The following CRACD variants were observed in gnomAD, a reference collection of about 807,000 sequenced individuals.
CRACD encodes capping protein inhibiting regulator of actin dynamics, also known as capping protein-inhibiting regulator of actin dynamics.
CRACD carries 56 observed loss-of-function variants against 106.8 expected under a neutral mutation model. The ratio of observed to expected loss-of-function variants is 0.52; its 90% CI spans 0.42 to 0.66. The LOEUF is 0.66. Among genes scored for constraint, CRACD ranks in the 30% least tolerant of loss-of-function variants. The pLI is 0.00. For synonymous variants in CRACD, 754 were observed against 670.8 expected (o/e 1.12, Z -1.92); for missense variants, 1,730 against 1,623.2 (o/e 1.07, Z -1.13).
chr4:56,089,290 G>A (rs1026322660), intron 1 of CRACD, among the ~76,000 whole-genome samples: 7 of 152,078 alleles, frequency 4.6e-5, no homozygotes, highest in Non-Finnish European at 7.4e-5. Flanking sequence ...CCCTTTGTTA[G>A]GCTGTAAACA....
At chr4:56,269,778 C>T (rs189023321) in intron 2 of CRACD, among the ~76,000 whole-genome samples, 3 of 151,982 alleles carry the variant, frequency 2.0e-5, no homozygotes, top group African/African-American at 7.3e-5. Flanking sequence ...CACAATAACT[C>T]ATTCAATATC....
Position 56,307,559 on chromosome 4 carries a change from T to C in CRACD, c.145T>C (p.Phe49Leu), listed in dbSNP as rs370343122. ...LQQQLGKNIK[F>L]GQRSPNAIPM... ...GCAACAGTTGGGCAAGAATATCAAGTTTGGGCAGCGGTCACCCAATGCCAT... is the reference window on the plus strand; with the variant it reads ...GCAACAGTTGGGCAAGAATATCAAGCTTGGGCAGCGGTCACCCAATGCCAT... Residue 49 changes from phenylalanine (F) to leucine (L), a missense_variant, in exon 5 of 11, where the codon TTT (phenylalanine) becomes CTT (leucine). By Grantham distance (22) the Phe-to-Leu change is conservative. This residue lies in a region of CRACD where 1,620 missense variants were observed against 1,481.6 expected (regional missense o/e 1.09). Coordinates refer to ENST00000682029, the MANE Select transcript of CRACD (RefSeq NM_001393381.1). 2.5e-6 allele frequency: 4 copies of C among 1,614,010 alleles called. No homozygotes were observed. In the African/African-American group the frequency reaches 4.0e-5, roughly 16 times the overall value.
At position 56,327,724 on chromosome 4, in the gene CRACD, G is replaced by A. The variant is rs769835471; in HGVS notation, c.3622G>A (p.Val1208Met). Reference protein sequence around the residue: ...KRFSTPDAAPVSTEPAWLALA... With the variant: ...KRFSTPDAAPMSTEPAWLALA... ...GTTTTCCACCCCGGATGCTGCCCCC[G>A]TGTCAACAGAACCAGCCTGGCTGGC... Residue 1208 changes from valine (V) to methionine (M), a missense_variant, in exon 11 of 11, where the codon GTG (valine) becomes ATG (methionine). Around this residue, in one of 5 missense-constraint regions of CRACD, gnomAD observed 4 missense variants for 18.7 expected, o/e 0.21. Transcript: ENST00000682029. 23 of 1,614,000 alleles carry A rather than the reference G, an allele frequency of 1.4e-5. No homozygotes were observed. In the African/African-American group the frequency reaches 1.5e-4, roughly 10 times the overall value.
chr4:56,298,276 G>T lies in CRACD; in HGVS notation c.47G>T (p.Gly16Val). Residue 16 changes from glycine to valine, a missense_variant, in exon 4 of 11, where the codon GGG becomes GTG. By Grantham distance (109) the Gly-to-Val change is moderately radical. Coordinates refer to ENST00000682029, the MANE Select transcript of CRACD (RefSeq NM_001393381.1). ...FSHDSIFIPD[G>V]GAESEQTVQA... ...CATGACAGTATTTTTATCCCTGATG[G>T]GGGAGCAGAAAGTGAGCAGACAGTT... is the stretch of plus-strand genomic sequence containing the variant. 6.2e-7 allele frequency: 1 copy of T among 1,614,128 alleles called. No homozygotes were observed. Among genetic ancestry groups the T allele is most frequent in the Non-Finnish European group, 8.5e-7 (1 of 1,180,020 alleles).
intron 2 of CRACD, among the ~76,000 whole-genome samples, chr4:56,199,678 T>C: frequency 8.3e-6 from 1 of 120,294 alleles, no homozygotes; most frequent in Non-Finnish European, 1.7e-5. Flanking sequence ...CGAAACTCCG[T>C]CTCAAAAAAA....
intron 2 of CRACD, among the ~76,000 whole-genome samples, chr4:56,229,127 A>G (rs1217640489): frequency 6.6e-6 from 1 of 152,146 alleles, no homozygotes; most frequent in Non-Finnish European, 1.5e-5. Flanking sequence ...GTAATGGGGG[A>G]AGTTAAACAG....
chr4:56,304,034 G>A (rs182053637), intron 4 of CRACD, among the ~76,000 whole-genome samples: 1 of 152,236 alleles, frequency 6.6e-6, no homozygotes, highest in African/African-American at 2.4e-5. Flanking sequence ...ATTTTGCCAG[G>A]ATGAACATAT....
At chr4:56,298,439 A>C in intron 4 of CRACD, 90 bp downstream of exon 4, 2 of 1,496,804 alleles carry the variant, frequency 1.3e-6, no homozygotes, top group South Asian at 2.5e-5. Context: ...GCCTTGAGTA[A>C]TGGATTGGGA....
At chr4:56,269,857 C>T (rs1432661641) in intron 2 of CRACD, among the ~76,000 whole-genome samples, 2 of 152,134 alleles carry the variant, frequency 1.3e-5, no homozygotes, top group Non-Finnish European at 2.9e-5. Context: ...AGCCCCACTT[C>T]CAACATTGGG....
At chr4:56,298,433 T>G in intron 4 of CRACD, 84 bp downstream of exon 4, 1 of 1,532,412 alleles carries the variant, frequency 6.5e-7, no homozygotes, top group South Asian at 1.2e-5. Flanking sequence ...AGCTTGGCCT[T>G]GAGTAATGGA....
chr4:56,306,366 T>C (rs6554343), intron 4 of CRACD, among the ~76,000 whole-genome samples: 43,359 of 151,922 alleles, frequency 0.29, 6,890 homozygotes, highest in East Asian at 0.63. Context: ...TGGTGGTGCA[T>C]GCCTGTAATC....
chr4:56,130,737 T>G (rs576101378), intron 1 of CRACD, among the ~76,000 whole-genome samples: 2 of 152,198 alleles, frequency 1.3e-5, no homozygotes, highest in African/African-American at 4.8e-5. Flanking sequence ...TTTCTTTTCA[T>G]GGGACAAAAT....
Position 56,057,814 on chromosome 4 carries a change from GT to G in CRACD, c.-336+8537del, listed in dbSNP as rs1167413474. 6.6e-3 allele frequency among the ~76,000 whole-genome samples: 447 copies of G among 67,294 alleles called. 105 individuals carry two copies. Among genetic ancestry groups the G allele is most frequent in the African/African-American group, 0.034 (412 of 12,024 alleles). The allele number at this position is 67,294 out of a possible 152,430, so 44.1% of individuals were successfully genotyped here. On this transcript the variant is annotated intron_variant, in intron 1 of 10. Transcript: ENST00000682029. ...CATTTTTTGTATTTTTTTTTTTTTT[GT>G]TTTTTTTTTTTTTTTTTTTTTGAGA...
rs373525860 is a variant in CRACD, at chr4:56,129,118, CG to C, written c.-335-50163del. Reference sequence around the variant, plus strand: ...TGAGACAAGGACTCACTCTGTCACCCGGGCTGGAGTGTGGTAGCATAATCAT... The same window carrying C: ...TGAGACAAGGACTCACTCTGTCACCCGGCTGGAGTGTGGTAGCATAATCAT... On this transcript the variant is annotated intron_variant, in intron 1 of 10. Transcript: ENST00000682029. 2.7e-3 allele frequency among the ~76,000 whole-genome samples: 413 copies of C among 152,168 alleles called. 1 individual carries two copies. Among genetic ancestry groups the C allele is most frequent in the Middle Eastern group, 0.014 (4 of 294 alleles).
intron 2 of CRACD, among the ~76,000 whole-genome samples, chr4:56,236,863 A>G (rs1419543140): frequency 6.6e-6 from 1 of 152,214 alleles, no homozygotes; most frequent in Non-Finnish European, 1.5e-5. Context: ...AAAAATGCAT[A>G]ACTTCAGACC....
intron 1 of CRACD, among the ~76,000 whole-genome samples, chr4:56,104,402 C>CA (rs1733876827): frequency 6.6e-6 from 1 of 151,828 alleles, no homozygotes; most frequent in Non-Finnish European, 1.5e-5. Context: ...TCTCAAAAAA[C>CA]AAACACAAAA....
At chr4:56,161,404 C>G (rs1250867174) in intron 1 of CRACD, among the ~76,000 whole-genome samples, 1 of 152,028 alleles carries the variant, frequency 6.6e-6, no homozygotes, top group Non-Finnish European at 1.5e-5. Flanking sequence ...ACATGCCCAC[C>G]AGACTATTCA....
At chr4:56,296,240 T>G (rs1289884796) in intron 3 of CRACD, among the ~76,000 whole-genome samples, 1 of 152,178 alleles carries the variant, frequency 6.6e-6, no homozygotes, top group Non-Finnish European at 1.5e-5. Flanking sequence ...TTGGATGTCT[T>G]TATATAAGTT....
At chr4:56,075,744 C>T (rs878975613) in intron 1 of CRACD, among the ~76,000 whole-genome samples, 7 of 152,272 alleles carry the variant, frequency 4.6e-5, no homozygotes, top group South Asian at 2.1e-4. Context: ...TGAGGTCTTT[C>T]GTGTCCATGG....
Sources: gnomAD v4.1 joint callset for allele counts (sites outside exome capture counted in the v4.1 genomes callset) on GRCh38, gnomAD v4.1.1 for gene constraint, gnomAD v4.1.1 regional missense constraint, MANE v1.5 for transcripts, NCBI Gene and HGNC (gene_info 2026-07-23, HGNC 2026-07-21) for gene names.